The following NAALADL2 variants were observed in gnomAD, a reference collection of about 807,000 sequenced individuals.
NAALADL2 encodes N-acetylated alpha-linked acidic dipeptidase like 2.
A neutral mutation model predicts 87.2 loss-of-function variants in NAALADL2; 76 were observed. The observed-to-expected ratio is 0.87, with a 90% confidence interval of 0.72 to 1.05. The LOEUF is 1.05. Ranked by LOEUF, NAALADL2 falls within the 50% of genes least tolerant of loss-of-function variation. The probability of loss-of-function intolerance (pLI) is 0.00; values close to 1 mark genes in which losing one functional copy is unlikely to be tolerated. For synonymous variants in NAALADL2, 354 were observed against 331.0 expected (o/e 1.07, Z -0.75); for missense variants, 1,089 against 945.8 (o/e 1.15, Z -1.99).
intron 1 of NAALADL2, among the ~76,000 whole-genome samples, chr3:175,022,799 G>A (rs9879246): frequency 0.18 from 28,072 of 152,016 alleles, 4,206 homozygotes; most frequent in African/African-American, 0.42. Context: ...ACTGCTCAAA[G>A]CACATATTCC....
chr3:174,944,772 TG>T (rs980304026), intron 1 of NAALADL2, among the ~76,000 whole-genome samples: 1 of 152,126 alleles, frequency 6.6e-6, no homozygotes, highest in African/African-American at 2.4e-5. Flanking sequence ...TCTCCTCACC[TG>T]GGGGTTGCAA....
intron 2 of NAALADL2, among the ~76,000 whole-genome samples, chr3:174,672,828 C>T (rs928923182): frequency 6.6e-6 from 1 of 151,746 alleles, no homozygotes; most frequent in African/African-American, 2.4e-5. Flanking sequence ...CACTGTAACT[C>T]AAATGAAGGG....
At chr3:175,305,278 ATGTG>A (rs1021497328) in intron 4 of NAALADL2, among the ~76,000 whole-genome samples, 3 of 137,472 alleles carry the variant, frequency 2.2e-5, no homozygotes, top group African/African-American at 5.3e-5. Context: ...GTGTATGTGT[ATGTG>A]TGTGTATGTG....
At chr3:174,917,733 ATT>A (rs11331779) in intron 1 of NAALADL2, among the ~76,000 whole-genome samples, 16 of 147,800 alleles carry the variant, frequency 1.1e-4, no homozygotes, top group African/African-American at 2.2e-4. Context: ...TCTATTTGTT[ATT>A]TTTTTTTTTG....
chr3:175,177,847 ATGTGTG>A (rs3066287), intron 2 of NAALADL2, among the ~76,000 whole-genome samples: 5 of 151,108 alleles, frequency 3.3e-5, no homozygotes, highest in African/African-American at 1.2e-4. Flanking sequence ...GTGTGTGTGT[ATGTGTG>A]TGTGTGTGCA....
At chr3:174,717,580 A>AT (rs1020429906) in intron 2 of NAALADL2, among the ~76,000 whole-genome samples, 7 of 152,038 alleles carry the variant, frequency 4.6e-5, no homozygotes, top group African/African-American at 1.7e-4. Context: ...GGTGCCTAAG[A>AT]TTTTTTTCTT....
Position 175,256,422 on chromosome 3 carries a change from C to T in NAALADL2, c.831C>T (p.Ile277=). Residue 277 remains isoleucine (I), a synonymous_variant, in exon 4 of 14, where the codon ATC becomes ATT. Coordinates refer to ENST00000454872, the MANE Select transcript of NAALADL2 (RefSeq NM_207015.3). ...TTCTCCTCTTTCAGGCTGAAGTCATCGATGTGAGTTATGGAATGGCAGATG... is the reference window on the plus strand; with the variant it reads ...TTCTCCTCTTTCAGGCTGAAGTCATTGATGTGAGTTATGGAATGGCAGATG... ...SAKGTLKAEV[I]DVSYGMADDL... is the part of the protein sequence containing the mutation. The T allele has an allele frequency of 3.1e-6, 5 of 1,608,458 alleles. No individual in the cohort carries two copies. The highest frequency in any genetic ancestry group is 1.7e-5 in the Admixed American group (1 of 59,304).
chr3:175,139,828 C>A (rs1299937931), intron 2 of NAALADL2, among the ~76,000 whole-genome samples: 1 of 152,052 alleles, frequency 6.6e-6, no homozygotes, highest in Non-Finnish European at 1.5e-5. Flanking sequence ...CTCTTTGTAG[C>A]TGGGTCAAAA....
chr3:174,444,314 A>G (rs996251803), intron 1 of NAALADL2, among the ~76,000 whole-genome samples: 5 of 152,120 alleles, frequency 3.3e-5, no homozygotes, highest in African/African-American at 1.2e-4. Flanking sequence ...TTCTATTTGG[A>G]TCCCTTCTCT....
intron 9 of NAALADL2, among the ~76,000 whole-genome samples, chr3:175,510,757 G>A (rs1731040149): frequency 6.6e-6 from 1 of 152,052 alleles, no homozygotes; most frequent in Non-Finnish European, 1.5e-5. Flanking sequence ...CTTGGTATTT[G>A]TACTTTGGAT....
Position 175,755,209 on chromosome 3 carries a change from A to G in NAALADL2, c.1991-11A>G, listed in dbSNP as rs1338850176. 4.4e-6 allele frequency: 7 copies of G among 1,603,122 alleles called. No individual in the cohort carries two copies. The African/African-American group carries it at 5.4e-5, about 12-fold the overall frequency. On this transcript the variant is annotated splice_polypyrimidine_tract_variant and intron_variant, in intron 12 of 13. Coordinates refer to ENST00000454872, the MANE Select transcript of NAALADL2 (RefSeq NM_207015.3). ...TGTCTCTTCTGAGATGGGCTCATTTATCTTCACCAGGTGATCAACCCAACA... is the reference window on the plus strand; with the variant it reads ...TGTCTCTTCTGAGATGGGCTCATTTGTCTTCACCAGGTGATCAACCCAACA...
intron 2 of NAALADL2, among the ~76,000 whole-genome samples, chr3:174,657,359 G>A (rs1363874140): frequency 6.6e-6 from 1 of 152,014 alleles, no homozygotes; most frequent in African/African-American, 2.4e-5. Context: ...GCTTCACCAT[G>A]TTGGCAAGGC....
In NAALADL2 at chr3:175,754,914, ATAAACT is replaced by A. The variant is rs1462335792; in HGVS notation, c.1991-302_1991-297del. Among the ~76,000 whole-genome samples the A allele has an allele frequency of 2.6e-5, 4 of 152,318 alleles. No individual in the cohort carries two copies. The East Asian group carries it at 7.7e-4, about 29-fold the overall frequency. ...ACTGTTGTTATTATTATGAGCAGTG[ATAAACT>A]TAATTTAGTAAAATATAAAAACAAG... is the stretch of plus-strand genomic sequence containing the variant. On this transcript the variant is annotated intron_variant, in intron 12 of 13. Transcript: ENST00000454872.
intron 3 of NAALADL2, among the ~76,000 whole-genome samples, chr3:174,753,730 C>A (rs1174560212): frequency 6.6e-6 from 1 of 152,108 alleles, no homozygotes; most frequent in Non-Finnish European, 1.5e-5. Context: ...TTTGTTTGTT[C>A]CAGCAAAGTC....
Position 175,737,714 on chromosome 3 carries a change from G to GTTTTTTTTTTTTTTT in NAALADL2, c.1990+331_1990+345dup, listed in dbSNP as rs71164650. On this transcript the variant is annotated intron_variant, in intron 12 of 13. Transcript: ENST00000454872. ...TAGAATAATACAGTTCAATGATCCA[G>GTTTTTTTTTTTTTTT]TTTTTTTTTTTTTTTTTTTTTTTTT... Among the ~76,000 whole-genome samples the GTTTTTTTTTTTTTTT allele has an allele frequency of 2.7e-4, 15 of 54,760 alleles. 4 individuals carry two copies. Among genetic ancestry groups the GTTTTTTTTTTTTTTT allele is most frequent in the African/African-American group, 1.2e-3 (14 of 12,160 alleles). The allele number at this position is 54,760 out of a possible 152,430, so 35.9% of individuals were successfully genotyped here.
chr3:175,338,830 C>T (rs1417271285), intron 5 of NAALADL2, among the ~76,000 whole-genome samples: 2 of 152,088 alleles, frequency 1.3e-5, no homozygotes, highest in African/African-American at 2.4e-5. Context: ...GCCTCTTGGG[C>T]ACCTCTCAAG....
At chr3:175,428,064 G>A (rs1032415253) in intron 5 of NAALADL2, among the ~76,000 whole-genome samples, 1 of 151,924 alleles carries the variant, frequency 6.6e-6, no homozygotes, top group Non-Finnish European at 1.5e-5. Context: ...AAAGATCACT[G>A]TTTCATCTTT....
intron 1 of NAALADL2, among the ~76,000 whole-genome samples, chr3:174,955,796 G>A (rs1239559172): frequency 6.6e-6 from 1 of 151,964 alleles, no homozygotes; most frequent in Non-Finnish European, 1.5e-5. Flanking sequence ...AGATGATCAG[G>A]CTCTACCAAC....
At chr3:175,066,708 G>A (rs895603796) in intron 1 of NAALADL2, among the ~76,000 whole-genome samples, 1 of 152,132 alleles carries the variant, frequency 6.6e-6, no homozygotes, top group Non-Finnish European at 1.5e-5. Flanking sequence ...TGACAGGAAG[G>A]AAGTGTATCC....
Sources: allele counts gnomAD v4.1 joint callset (sites outside exome capture counted in the v4.1 genomes callset), GRCh38; gene constraint gnomAD v4.1.1; transcripts MANE v1.5; gene names NCBI Gene and HGNC (gene_info 2026-07-23, HGNC 2026-07-21).